The following CTHRC1 variants were observed in gnomAD, a reference collection of about 807,000 sequenced individuals.
CTHRC1 encodes collagen triple helix repeat containing 1.
CTHRC1 carries 21 observed loss-of-function variants against 25.9 expected under a neutral mutation model. The observed-to-expected ratio is 0.81, with a 90% CI of 0.57 to 1.17. The LOEUF (loss-of-function observed/expected upper bound fraction) is 1.17, where lower values mean the gene tolerates loss of function less well. Ranked by LOEUF, CTHRC1 falls within the 50% of genes most tolerant of loss-of-function variation. The pLI is 0.00. For missense variants in CTHRC1, 281 were observed against 304.3 expected, an observed-to-expected ratio of 0.92 and a Z score of 0.57; for synonymous variants, 109 against 113.1, an observed-to-expected ratio of 0.96 and a Z score of 0.23.
At chr8:103,377,707 G>A (rs7820071) in intron 2 of CTHRC1, among the ~76,000 whole-genome samples, 13,206 of 152,212 alleles carry the variant, frequency 0.087, 713 homozygotes, top group East Asian at 0.18. Context: ...GGGTTCAAGC[G>A]ATTCTCACGT....
rs138767321 is a variant in CTHRC1, at chr8:103,380,599, C to T, written c.590-1859C>T. ...GTTGAGAACTCCCAATCCAACATAT[C>T]GTTTTTACTTAACAAGCTATCATAC... is the stretch of plus-strand genomic sequence containing the variant. On this transcript the variant is annotated intron_variant, in intron 3 of 3. Coordinates refer to ENST00000330295, the MANE Select transcript of CTHRC1 (RefSeq NM_138455.4). Among the ~76,000 whole-genome samples the T allele has an allele frequency of 2.2e-3, 340 of 152,284 alleles. 5 individuals are homozygous for T. The highest frequency in any genetic ancestry group is 7.6e-3 in the African/African-American group (315 of 41,562).
chr8:103,373,353 A>G (rs917499565), intron 1 of CTHRC1, among the ~76,000 whole-genome samples: 2 of 152,248 alleles, frequency 1.3e-5, no homozygotes, highest in South Asian at 4.1e-4. Flanking sequence ...AGGATCTTTC[A>G]AAGCGTTCCT....
chr8:103,377,955 C>T, intron 2 of CTHRC1, 72 bp from the exon 3 acceptor site: 2 of 1,261,538 alleles, frequency 1.6e-6, no homozygotes, highest in Admixed American at 1.7e-5. Context: ...AAGTAAAATT[C>T]ACCAGTCTCA....
chr8:103,381,939 G>A (rs937356379), intron 3 of CTHRC1, among the ~76,000 whole-genome samples: 15 of 151,722 alleles, frequency 9.9e-5, no homozygotes, highest in African/African-American at 3.1e-4. Context: ...CGGAGGTTGC[G>A]GTGCACTGAG....
intron 1 of CTHRC1, chr8:103,372,639 C>T (rs769890624): frequency 6.3e-7 from 1 of 1,598,110 alleles, no homozygotes; most frequent in Non-Finnish European, 8.5e-7. Context: ...GAGTGCTTTC[C>T]AGGGGCTCAT....
Position 103,378,177 on chromosome 8 carries a change from A to G in CTHRC1, c.523A>G (p.Ile175Val), listed in dbSNP as rs1375867887. 8.1e-6 allele frequency: 13 copies of G among 1,614,206 alleles called. No homozygotes were observed. Among genetic ancestry groups the G allele is most frequent in the East Asian group, 2.2e-5 (1 of 44,880 alleles). ...TTCAGGACCTCTTCCCATTGAAGCTATAATTTATTTGGACCAAGGAAGCCC... is the reference window on the plus strand; with the variant it reads ...TTCAGGACCTCTTCCCATTGAAGCTGTAATTTATTTGGACCAAGGAAGCCC... ...ECSGPLPIEAIIYLDQGSPEM... is the reference protein window; with the variant it reads ...ECSGPLPIEAVIYLDQGSPEM... The change falls in exon 3 of 4, where the codon ATA becomes GTA. Residue 175 changes from isoleucine to valine, a missense_variant. Physicochemically the swap from Ile to Val is conservative, Grantham distance 29. Coordinates refer to ENST00000330295, the MANE Select transcript of CTHRC1 (RefSeq NM_138455.4).
In CTHRC1 at chr8:103,371,804, C is replaced by T. The variant is rs1266970843; in HGVS notation, c.148C>T (p.Leu50=). The change falls in exon 1 of 4, where the codon CTG becomes TTG. Residue 50 remains leucine, a splice_region_variant and synonymous_variant. Transcript: ENST00000330295. ...AQLRQREVVD[L]YNGMCLQGPA... Reference sequence around the variant, plus strand: ...GCTCCGGCAGAGGGAGGTGGTGGACCTGGTGAGTCCGAGGGAGCCGAGCCG... The same window carrying T: ...GCTCCGGCAGAGGGAGGTGGTGGACTTGGTGAGTCCGAGGGAGCCGAGCCG... 4.6e-6 allele frequency: 7 copies of T among 1,523,294 alleles called. No individual in the cohort carries two copies. The highest frequency in any genetic ancestry group is 1.8e-6 in the Non-Finnish European group (2 of 1,134,570). 94.4% of individuals were successfully genotyped at this position (1,523,294 alleles called of 1,614,324 possible).
At chr8:103,377,091 T>A (rs1815817397) in intron 2 of CTHRC1, 1 of 150,882 alleles carries the variant, frequency 6.6e-6, no homozygotes. Flanking sequence ...TATGGTAACC[T>A]TCTATGAGTA....
At chr8:103,382,201 T>C (rs1445833827) in intron 3 of CTHRC1, among the ~76,000 whole-genome samples, 1 of 152,190 alleles carries the variant, frequency 6.6e-6, no homozygotes, top group African/African-American at 2.4e-5. Context: ...AAATTCTGGT[T>C]TTATGCTTGA....
intron 3 of CTHRC1, 135 bp from the exon 4 acceptor site, chr8:103,382,323 T>C: frequency 1.2e-6 from 1 of 818,148 alleles, no homozygotes; most frequent in Admixed American, 2.2e-5. Context: ...ATAAAAACCT[T>C]ATCAAGTATT....
At chr8:103,382,359 A>T in intron 3 of CTHRC1, 99 bp from the exon 4 acceptor site, 2 of 1,266,724 alleles carry the variant, frequency 1.6e-6, no homozygotes, top group South Asian at 2.4e-5. Flanking sequence ...CATTACATTA[A>T]ACAGAATTAC....
At chr8:103,381,655 T>A (rs140568984) in intron 3 of CTHRC1, among the ~76,000 whole-genome samples, 141 of 152,284 alleles carry the variant, frequency 9.3e-4, no homozygotes, top group African/African-American at 3.2e-3. Flanking sequence ...GATTCCCAGA[T>A]TGAAGGACTG....
intron 1 of CTHRC1, among the ~76,000 whole-genome samples, chr8:103,372,018 G>A (rs1381638503): frequency 6.6e-6 from 1 of 152,216 alleles, no homozygotes; most frequent in African/African-American, 2.4e-5. Context: ...TCAGAGGGGA[G>A]ACCAAAATGG....
intron 2 of CTHRC1, among the ~76,000 whole-genome samples, chr8:103,377,598 A>C (rs1197890120): frequency 1.3e-5 from 2 of 149,828 alleles, no homozygotes; most frequent in Non-Finnish European, 3.0e-5. Context: ...GTTAAGCTTT[A>C]TTTTTGTTTA....
At chr8:103,372,545 T>C in intron 1 of CTHRC1, 3 of 1,598,272 alleles carry the variant, frequency 1.9e-6, no homozygotes, top group Non-Finnish European at 2.5e-6. Context: ...ACACCCTGGG[T>C]CTTCATATGT....
rs1815938570 is a variant in CTHRC1, at chr8:103,382,863, T to G, written c.*263T>G. 5.4e-6 allele frequency: 2 copies of G among 369,656 alleles called. No homozygotes were observed. The highest frequency in any genetic ancestry group is 4.1e-5 in the African/African-American group (2 of 48,240). 22.9% of individuals were successfully genotyped at this position (369,656 alleles called of 1,614,324 possible). On this transcript the variant is annotated 3_prime_UTR_variant, in exon 4 of 4. Transcript: ENST00000330295. ...TCTCAACCTATAATTTGGAATATTGTTGTGGTCTTTTGTTTTTTCTCTTAG... is the reference window on the plus strand; with the variant it reads ...TCTCAACCTATAATTTGGAATATTGGTGTGGTCTTTTGTTTTTTCTCTTAG...
intron 1 of CTHRC1, chr8:103,372,429 G>T: frequency 6.6e-7 from 1 of 1,504,594 alleles, no homozygotes; most frequent in South Asian, 1.3e-5. Flanking sequence ...GCTAGGAATG[G>T]TTCAGAAGGT....
intron 1 of CTHRC1, among the ~76,000 whole-genome samples, chr8:103,373,898 C>A (rs1030880497): frequency 6.6e-5 from 10 of 151,788 alleles, no homozygotes; most frequent in Non-Finnish European, 1.2e-4. Context: ...CAGTCTTATT[C>A]CCATTTGAAA....
At chr8:103,382,324 A>G in intron 3 of CTHRC1, 134 bp from the exon 4 acceptor site, 1 of 825,472 alleles carries the variant, frequency 1.2e-6, no homozygotes, top group Non-Finnish European at 2.0e-6. Context: ...TAAAAACCTT[A>G]TCAAGTATTA....
Sources: allele counts gnomAD v4.1 joint callset (sites outside exome capture counted in the v4.1 genomes callset), GRCh38; gene constraint gnomAD v4.1.1; transcripts MANE v1.5; gene names NCBI Gene and HGNC (gene_info 2026-07-23, HGNC 2026-07-21).